Variants in GOLGA3 observed in about 807,000 individuals in gnomAD.
The protein encoded by GOLGA3 is golgin A3.
GOLGA3 carries 75 observed loss-of-function variants against 169.4 expected under a neutral mutation model. That is an observed-to-expected ratio of 0.44 (90% CI 0.37 to 0.54). GOLGA3 has a LOEUF of 0.54. Ranked by LOEUF, GOLGA3 falls within the 20% of genes least tolerant of loss-of-function variation. The pLI, the probability that GOLGA3 is intolerant of heterozygous loss-of-function variation, is 0.00. For missense variants in GOLGA3, 1,899 were observed against 1,930.0 expected (o/e 0.98, Z 0.30); for synonymous variants, 824 against 822.4 (o/e 1.00, Z -0.03).
In GOLGA3 at chr12:132,797,855, T is replaced by G. The variant is rs1268908809; in HGVS notation, c.1938+485A>C. ...CGGCCATGACCTCGACAGCGTGTGG[T>G]TGCTGGAGGGTTAAATGGCAATGCA... On this transcript the variant is annotated intron_variant, in intron 9 of 23. Coordinates refer to ENST00000450791, the MANE Select transcript of GOLGA3 (RefSeq NM_001389683.1). Among the ~76,000 whole-genome samples the G allele has an allele frequency of 2.0e-5, 3 of 152,190 alleles. No individual in the cohort carries two copies. In the East Asian group the frequency reaches 5.8e-4, roughly 29 times the overall value.
At chr12:132,815,873 T>C (rs1949932929) in intron 3 of GOLGA3, among the ~76,000 whole-genome samples, 1 of 152,138 alleles carries the variant, frequency 6.6e-6, no homozygotes, top group African/African-American at 2.4e-5. Flanking sequence ...GCCTCCAGCC[T>C]GGGCGACAGA....
intron 2 of GOLGA3, among the ~76,000 whole-genome samples, chr12:132,817,248 C>A (rs112419360): frequency 0.045 from 260 of 5,796 alleles, 3 homozygotes; most frequent in Non-Finnish European, 0.085. Context: ...AGGTGAACCC[C>A]CCCTCCACAC....
At chr12:132,820,715 C>T (rs1950168692) in intron 2 of GOLGA3, among the ~76,000 whole-genome samples, 1 of 152,166 alleles carries the variant, frequency 6.6e-6, no homozygotes, top group Non-Finnish European at 1.5e-5. Flanking sequence ...ACCCAGGGGG[C>T]TAACATAACA....
At chr12:132,814,020 G>A (rs1185365930) in intron 3 of GOLGA3, among the ~76,000 whole-genome samples, 1 of 128,646 alleles carries the variant, frequency 7.8e-6, no homozygotes, top group African/African-American at 3.0e-5. Flanking sequence ...CACCGCGCCC[G>A]GCCTTTTTTT....
chr12:132,823,722 G>A lies in GOLGA3; in HGVS notation c.-183-1411C>T, dbSNP rs77881279. Among the ~76,000 whole-genome samples, 71 of 152,086 alleles carry A rather than the reference G, an allele frequency of 4.7e-4. 2 individuals carry two copies. The East Asian group carries it at 9.9e-3, about 21-fold the overall frequency. On this transcript the variant is annotated intron_variant, in intron 1 of 23. Transcript: ENST00000450791. ...GAATCACTTGAACCTGGGAGGCGGA[G>A]GTTGCACTGAACCAAGACCACGCCA...
intron 22 of GOLGA3, 105 bp downstream of exon 22, chr12:132,775,036 A>G: frequency 1.0e-6 from 1 of 998,534 alleles, no homozygotes; most frequent in South Asian, 1.6e-5. Flanking sequence ...GTGTGGGCTC[A>G]ACAAATCCGT....
Position 132,808,240 on chromosome 12 carries a change from T to C in GOLGA3, c.829A>G (p.Arg277Gly), listed in dbSNP as rs765702430. The C allele has an allele frequency of 1.2e-6, 2 of 1,614,120 alleles. No individual in the cohort carries two copies. The highest frequency in any genetic ancestry group is 1.7e-6 in the Non-Finnish European group (2 of 1,180,034). The change falls in exon 5 of 24, where the codon AGA becomes GGA. Residue 277 changes from arginine to glycine, a missense_variant. By Grantham distance (125) the Arg-to-Gly change is moderately radical. Transcript: ENST00000450791. ...DSTKGSLKQN[R>G]SSAASVVSEI... ...GACACAACGGACGCCGCACTGCTTC[T>C]GTTCTGCTTCAGGGAACCCTTGGTA...
At chr12:132,781,043 G>A in intron 17 of GOLGA3, 129 bp from the exon 18 acceptor site, 1 of 685,560 alleles carries the variant, frequency 1.5e-6, no homozygotes, top group Non-Finnish European at 2.6e-6. Context: ...GAACTTCACT[G>A]CTGAAGAATC....
chr12:132,780,804 C>G lies in GOLGA3; in HGVS notation c.3576G>C (p.Lys1192Asn). The G allele has an allele frequency of 6.2e-7, 1 of 1,604,408 alleles. No homozygotes were observed. The highest frequency in any genetic ancestry group is 8.5e-7 in the Non-Finnish European group (1 of 1,173,846). The change falls in exon 18 of 24, where the codon AAG becomes AAC. Residue 1192 changes from lysine (K) to asparagine (N), a missense_variant. Coordinates refer to ENST00000450791, the MANE Select transcript of GOLGA3 (RefSeq NM_001389683.1). ...GACGGAAGGTGGCACGCACCTGCTC[C>G]TTGAGGCTGTTCACCTTCTCCTTCT... The part of the protein sequence containing the change: ...EKEKEKVNSL[K>N]EQVAAAKVEA...
Position 132,786,389 on chromosome 12 carries a change from C to G in GOLGA3, c.3073G>C (p.Gly1025Arg), listed in dbSNP as rs777582388. ...AAKEAADAEL[G>R]QLRAQGGSSD... ...CTGCCACCCTGGGCTCGGAGCTGGC[C>G]CAGCTCCGCGTCCGCAGCCTCCTTG... The change falls in exon 15 of 24, where the codon GGC (glycine) becomes CGC (arginine). Residue 1025 changes from glycine (G) to arginine (R), a missense_variant. Transcript: ENST00000450791. 33 of 1,611,988 alleles carry G rather than the reference C, an allele frequency of 2.0e-5. No individual in the cohort carries two copies. The highest frequency in any genetic ancestry group is 1.7e-4 in the Middle Eastern group (1 of 6,052).
intron 1 of GOLGA3, chr12:132,825,653 CCAGGGAGTT>C: frequency 1.2e-6 from 1 of 803,180 alleles, no homozygotes. Flanking sequence ...ATGAGGGAGT[CCAGGGAGTT>C]AGAAACTGGA....
chr12:132,823,967 C>T (rs972190157), intron 1 of GOLGA3, among the ~76,000 whole-genome samples: 1 of 151,950 alleles, frequency 6.6e-6, no homozygotes, highest in Non-Finnish European at 1.5e-5. Context: ...CCTGTAATCC[C>T]AGCTACTCAG....
At chr12:132,782,542 G>T in intron 16 of GOLGA3, 49 bp from the exon 17 acceptor site, 1 of 1,400,682 alleles carries the variant, frequency 7.1e-7, no homozygotes, top group Non-Finnish European at 1.0e-6. Context: ...GGTGAGTGGA[G>T]TTCACATACC....
At chr12:132,812,672 C>G (rs1949775588) in intron 4 of GOLGA3, among the ~76,000 whole-genome samples, 1 of 152,212 alleles carries the variant, frequency 6.6e-6, no homozygotes, top group African/African-American at 2.4e-5. Flanking sequence ...GAAGTGGAGC[C>G]TGAAGATGTG....
At chr12:132,792,624 C>G (rs113418118) in intron 11 of GOLGA3, among the ~76,000 whole-genome samples, 853 of 85,264 alleles carry the variant, frequency 0.01, 1 homozygote, top group Middle Eastern at 0.036. Flanking sequence ...ACCTGCACTC[C>G]GAGGGCTCCA....
At chr12:132,784,056 G>C in intron 16 of GOLGA3, 108 bp downstream of exon 16, 1 of 1,553,626 alleles carries the variant, frequency 6.4e-7, no homozygotes. Context: ...AAGTAGCAAC[G>C]CTGGGCACAC....
chr12:132,788,819 C>T (rs1043605481), intron 13 of GOLGA3, among the ~76,000 whole-genome samples: 2 of 152,150 alleles, frequency 1.3e-5, no homozygotes, highest in Admixed American at 6.5e-5. Context: ...ACCGGACTGC[C>T]CCTCTGGGAC....
At position 132,774,471 on chromosome 12, in the gene GOLGA3, G is replaced by A. The variant is rs111424780; in HGVS notation, c.4144-151C>T. The A allele has an allele frequency of 7.2e-5, 54 of 750,416 alleles. No homozygotes were observed. In the African/African-American group the frequency reaches 7.3e-4, roughly 10 times the overall value. The allele number at this position is 750,416 out of a possible 1,614,324, so 46.5% of individuals were successfully genotyped here. On this transcript the variant is annotated intron_variant, in intron 22 of 23. Coordinates refer to ENST00000450791, the MANE Select transcript of GOLGA3 (RefSeq NM_001389683.1). ...CCTGGCCGCCGTGGCAGCCCAGCAC[G>A]ACAGTCCCCGGAGCTCCAGAATAGC...
At position 132,777,133 on chromosome 12, in the gene GOLGA3, C is replaced by G; in HGVS notation, c.3723-43G>C. ...GAAAGAAGGGAATCGCCACGCTCCT[C>G]CAGTGTGCTGTGCCCTCCCGCTGGG... On this transcript the variant is annotated intron_variant, in intron 19 of 23. Transcript: ENST00000450791. The surrounding 1 kb of genome is among the most constrained non-coding windows in gnomAD (Gnocchi z 4.7). 3 of 1,552,466 alleles carry G rather than the reference C, an allele frequency of 1.9e-6. No individual in the cohort carries two copies. The highest frequency in any genetic ancestry group is 4.5e-5 in the East Asian group (2 of 44,436).
Sources: allele counts gnomAD v4.1 joint callset (sites outside exome capture counted in the v4.1 genomes callset), GRCh38; gene constraint gnomAD v4.1.1; non-coding constraint Gnocchi (gnomAD v3.1); transcripts MANE v1.5; gene names NCBI Gene and HGNC (gene_info 2026-07-23, HGNC 2026-07-21).